Variants in CLNK observed in about 807,000 individuals in gnomAD.
CLNK encodes cytokine-dependent hematopoietic cell linker.
A neutral mutation model predicts 68.6 loss-of-function variants in CLNK; 74 were observed. The ratio of observed to expected loss-of-function variants is 1.08; its 90% CI spans 0.89 to 1.31. The LOEUF is 1.31. Among genes scored for constraint, CLNK ranks in the 50% most tolerant of loss-of-function variants. The probability of loss-of-function intolerance (pLI) is 0.00; values close to 1 mark genes in which losing one functional copy is unlikely to be tolerated. For synonymous variants in CLNK, 198 were observed against 172.2 expected, an observed-to-expected ratio of 1.15 and a Z score of -1.17; for missense variants, 553 against 515.3, an observed-to-expected ratio of 1.07 and a Z score of -0.71.
At chr4:10,730,926 T>C in the CLNK span, among the ~76,000 whole-genome samples, 162 of 152,358 alleles carry the variant, frequency 1.1e-3, no homozygotes, top group African/African-American at 3.8e-3. Context: ...CATCTTTTTG[T>C]GTGTGGACTT....
intron 8 of CLNK, among the ~76,000 whole-genome samples, chr4:10,553,745 C>G (rs1333094029): frequency 6.6e-6 from 1 of 152,212 alleles, no homozygotes; most frequent in African/African-American, 2.4e-5. Flanking sequence ...TGAGCCACCG[C>G]GCTTGGCCTT....
intron 1 of CLNK, among the ~76,000 whole-genome samples, chr4:10,672,933 T>A (rs1020264788): frequency 1.3e-5 from 2 of 152,208 alleles, no homozygotes; most frequent in Admixed American, 6.5e-5. Context: ...ACATCTTAAA[T>A]AGACATTTAG....
At position 10,629,560 on chromosome 4, in the gene CLNK, GA is replaced by G. The variant is rs147005556; in HGVS notation, c.12-31512del. ...AACACCCACCAGGCATCTGCGAGGG[GA>G]CGCCCACATCAAGAAAACCTCAGCA... On this transcript the variant is annotated intron_variant, in intron 2 of 18. Coordinates refer to ENST00000226951, the MANE Select transcript of CLNK (RefSeq NM_052964.4). 1.7e-3 allele frequency among the ~76,000 whole-genome samples: 259 copies of G among 152,322 alleles called. 1 individual carries two copies. The highest frequency in any genetic ancestry group is 5.9e-3 in the African/African-American group (245 of 41,566).
At chr4:10,634,735 A>C (rs187008389) in intron 2 of CLNK, among the ~76,000 whole-genome samples, 1 of 152,326 alleles carries the variant, frequency 6.6e-6, no homozygotes, top group Non-Finnish European at 1.5e-5. Flanking sequence ...CCTCCTATGG[A>C]AACCTCCTGG....
the CLNK span, among the ~76,000 whole-genome samples, chr4:10,718,120 A>G: frequency 6.6e-6 from 1 of 152,230 alleles, no homozygotes; most frequent in Admixed American, 6.5e-5. Context: ...TGGGCTCAAC[A>G]GCAGAACGGA....
At chr4:10,671,824 T>C (rs1047372038) in intron 1 of CLNK, among the ~76,000 whole-genome samples, 5 of 152,194 alleles carry the variant, frequency 3.3e-5, no homozygotes, top group Admixed American at 1.3e-4. Flanking sequence ...CCCTGATCCA[T>C]TTCCAAGACG....
rs778104677 is a variant in CLNK, at chr4:10,558,397, A to G, written c.445+10T>C. On this transcript the variant is annotated intron_variant, in intron 8 of 18. Transcript: ENST00000226951. ...ACTTACATTTTAAACTTCGATTAAC[A>G]TGACTTTACCTTTAATGTTTTGGCT... 1.9e-5 allele frequency: 30 copies of G among 1,613,118 alleles called. No homozygotes were observed. The South Asian group carries it at 3.1e-4, about 17-fold the overall frequency.
At chr4:10,556,658 T>C (rs1161032528) in intron 8 of CLNK, among the ~76,000 whole-genome samples, 1 of 152,222 alleles carries the variant, frequency 6.6e-6, no homozygotes, top group African/African-American at 2.4e-5. Flanking sequence ...GAGGCCATTT[T>C]TGTAACAGAT....
At chr4:10,662,745 T>C (rs1218274331) in intron 2 of CLNK, among the ~76,000 whole-genome samples, 2 of 152,338 alleles carry the variant, frequency 1.3e-5, no homozygotes, top group Non-Finnish European at 2.9e-5. Flanking sequence ...CACATAGATA[T>C]AGAAAAATAA....
intron 4 of CLNK, among the ~76,000 whole-genome samples, chr4:10,574,222 G>A (rs565879766): frequency 4.6e-5 from 7 of 152,238 alleles, no homozygotes; most frequent in Admixed American, 1.3e-4. Flanking sequence ...GGCCCCCAGA[G>A]CTCAGCACAA....
chr4:10,500,763 C>T (rs1054131280), intron 18 of CLNK, among the ~76,000 whole-genome samples: 5 of 151,992 alleles, frequency 3.3e-5, no homozygotes, highest in South Asian at 2.1e-4. Context: ...ATGTTATTCA[C>T]GAATATTTTA....
chr4:10,560,906 T>C (rs1297908916), intron 7 of CLNK, among the ~76,000 whole-genome samples: 4 of 152,024 alleles, frequency 2.6e-5, no homozygotes, highest in African/African-American at 9.7e-5. Flanking sequence ...CCCACCTCTT[T>C]TTTTTTCTGA....
At chr4:10,732,985 G>A in the CLNK span, among the ~76,000 whole-genome samples, 3 of 152,178 alleles carry the variant, frequency 2.0e-5, no homozygotes, top group African/African-American at 7.2e-5. Flanking sequence ...GAAATTTCTA[G>A]TGCAGGAGAT....
chr4:10,731,343 G>A, the CLNK span, among the ~76,000 whole-genome samples: 18 of 152,172 alleles, frequency 1.2e-4, no homozygotes, highest in African/African-American at 4.3e-4. Flanking sequence ...AACCACAGGG[G>A]ATTTCTCCCC....
intron 6 of CLNK, among the ~76,000 whole-genome samples, chr4:10,565,217 T>A (rs143302993): frequency 1.4e-3 from 219 of 152,336 alleles, no homozygotes; most frequent in African/African-American, 4.9e-3. Flanking sequence ...GCATTGTTTG[T>A]CTTTGTGTCC....
intron 18 of CLNK, 61 bp from the exon 19 acceptor site, chr4:10,490,674 G>T: frequency 7.2e-7 from 1 of 1,390,866 alleles, no homozygotes; most frequent in Non-Finnish European, 9.9e-7. Context: ...GTAGGTTAAA[G>T]TATAGCCAAG....
At chr4:10,576,810 T>C (rs1042284783) in intron 4 of CLNK, among the ~76,000 whole-genome samples, 1 of 152,240 alleles carries the variant, frequency 6.6e-6, no homozygotes, top group African/African-American at 2.4e-5. Context: ...TTAGAACCGC[T>C]AAGTTAGAAG....
chr4:10,610,214 G>A (rs1440255276), intron 2 of CLNK, among the ~76,000 whole-genome samples: 52 of 150,440 alleles, frequency 3.5e-4, no homozygotes, highest in Admixed American at 1.2e-3. Context: ...CCGCCACTGC[G>A]CCCGGCTAAT....
At chr4:10,673,041 A>C (rs1037340023) in intron 1 of CLNK, among the ~76,000 whole-genome samples, 1 of 152,202 alleles carries the variant, frequency 6.6e-6, no homozygotes, top group African/African-American at 2.4e-5. Flanking sequence ...ACATCCAAAG[A>C]TTTTAACAAT....
Sources: gnomAD v4.1 joint callset for allele counts (sites outside exome capture counted in the v4.1 genomes callset) on GRCh38, gnomAD v4.1.1 for gene constraint, MANE v1.5 for transcripts, NCBI Gene and HGNC (gene_info 2026-07-23, HGNC 2026-07-21) for gene names.